Variants in SVOPL observed in about 807,000 individuals in gnomAD.
The protein encoded by SVOPL is SVOP like.
SVOPL carries 60 observed loss-of-function variants against 61.0 expected under a neutral mutation model. The ratio of observed to expected loss-of-function variants is 0.98; its 90% confidence interval spans 0.80 to 1.22. SVOPL has a LOEUF of 1.22. SVOPL is among the 50% of genes most tolerant of loss of function. The pLI, the probability that SVOPL is intolerant of heterozygous loss-of-function variation, is 0.00. For synonymous variants in SVOPL, 279 were observed against 250.0 expected, an observed-to-expected ratio of 1.12 and a Z score of -1.09; for missense variants, 662 against 643.9, an observed-to-expected ratio of 1.03 and a Z score of -0.30.
Position 138,633,171 on chromosome 7 carries a change from C to CA in SVOPL, c.790-3050dup, listed in dbSNP as rs1485721014. ...CTCCAAACCCATGAGAGTGTATTTC[C>CA]AATGTTTAAAAAATAAACTAGAATA... On this transcript the variant is annotated intron_variant, in intron 9 of 15. Coordinates refer to ENST00000674285, the MANE Select transcript of SVOPL (RefSeq NM_001139456.2). 2.6e-5 allele frequency among the ~76,000 whole-genome samples: 4 copies of CA among 152,128 alleles called. 1 individual carries two copies. Among genetic ancestry groups the CA allele is most frequent in the Non-Finnish European group, 4.4e-5 (3 of 68,036 alleles).
chr7:138,627,189 G>A (rs912425965), intron 12 of SVOPL, among the ~76,000 whole-genome samples, 161 bp downstream of exon 12: 5 of 152,126 alleles, frequency 3.3e-5, no homozygotes, highest in African/African-American at 4.8e-5. Flanking sequence ...GGGAAGCGGG[G>A]ATAGTAGGGA....
chr7:138,597,316 CT>C, intron 14 of SVOPL: 1 of 1,055,430 alleles, frequency 9.5e-7, no homozygotes, highest in African/African-American at 1.6e-5. Context: ...AATACAATTT[CT>C]TCCCTTTACA....
rs181561045 is a variant in SVOPL at position 138,630,799 on chromosome 7, C to T, written c.790-677G>A. ...CTCTACCAAAAATACAAAAATTAGC[C>T]GGACATGGTGGAGCATGCCTGTAAT... is the stretch of plus-strand genomic sequence containing the variant. On this transcript the variant is annotated intron_variant, in intron 9 of 15. Coordinates refer to ENST00000674285, the MANE Select transcript of SVOPL (RefSeq NM_001139456.2). 4.3e-4 allele frequency among the ~76,000 whole-genome samples: 66 copies of T among 152,090 alleles called. No homozygotes were observed. The East Asian group carries it at 4.8e-3, about 11-fold the overall frequency.
At chr7:138,644,975 T>A in intron 8 of SVOPL, 130 bp from the exon 9 acceptor site, 1 of 1,190,978 alleles carries the variant, frequency 8.4e-7, no homozygotes, top group East Asian at 2.4e-5. Context: ...CTTAAAGGCA[T>A]GCAATGTAGC....
chr7:138,676,402 C>T (rs114258118), intron 3 of SVOPL, among the ~76,000 whole-genome samples: 2,165 of 152,298 alleles, frequency 0.014, 58 homozygotes, highest in African/African-American at 0.05. Flanking sequence ...GCAGGTTCTG[C>T]TGCCCGGAGA....
chr7:138,599,275 G>A (rs1341609207), intron 14 of SVOPL, among the ~76,000 whole-genome samples: 1 of 151,934 alleles, frequency 6.6e-6, no homozygotes, highest in African/African-American at 2.4e-5. Flanking sequence ...AAAAAATTAG[G>A]CAACTTCTGA....
rs566820907 is a variant in SVOPL at position 138,621,572 on chromosome 7, C to T, written c.1264-437G>A. Among the ~76,000 whole-genome samples the T allele has an allele frequency of 2.1e-3, 316 of 152,220 alleles. 2 individuals are homozygous for T. The highest frequency in any genetic ancestry group is 7.5e-3 in the African/African-American group (312 of 41,530). On this transcript the variant is annotated intron_variant, in intron 13 of 15. Coordinates refer to ENST00000674285, the MANE Select transcript of SVOPL (RefSeq NM_001139456.2). ...GGGCCAGGTACTTGCCACACCATTCCCTGTGTTCTTATTTTTACTTCTTTT... is the reference window on the plus strand; with the variant it reads ...GGGCCAGGTACTTGCCACACCATTCTCTGTGTTCTTATTTTTACTTCTTTT...
At chr7:138,648,533 CAAAAAAAAAA>C (rs61171485) in intron 8 of SVOPL, among the ~76,000 whole-genome samples, 5,401 of 73,918 alleles carry the variant, frequency 0.073, 151 homozygotes, top group Middle Eastern at 0.17. Flanking sequence ...ACTAAAAATC[CAAAAAAAAAA>C]AAAAAAAAAA....
intron 3 of SVOPL, among the ~76,000 whole-genome samples, chr7:138,675,318 C>A (rs1391896265): frequency 6.6e-6 from 1 of 152,140 alleles, no homozygotes; most frequent in Non-Finnish European, 1.5e-5. Flanking sequence ...ATCAAACTCA[C>A]ATGGCTACCT....
intron 12 of SVOPL, 139 bp downstream of exon 12, chr7:138,627,211 C>A (rs2116908435): frequency 4.9e-6 from 3 of 610,686 alleles, no homozygotes; most frequent in South Asian, 2.0e-5. Context: ...CAGGCAAGAC[C>A]ATTCTAGTCA....
chr7:138,667,094 GT>G (rs1802284456), intron 4 of SVOPL, among the ~76,000 whole-genome samples: 1 of 152,152 alleles, frequency 6.6e-6, no homozygotes, highest in Non-Finnish European at 1.5e-5. Context: ...AATAAGAGGA[GT>G]TTTAATGAGG....
In SVOPL at chr7:138,626,126, A is replaced by C. The variant is rs78781602; in HGVS notation, c.1182-76T>G. 32,311 of 1,369,500 alleles carry C rather than the reference A, an allele frequency of 0.024. 513 individuals are homozygous for C. Among genetic ancestry groups the C allele is most frequent in the Middle Eastern group, 0.052 (288 of 5,520 alleles). 84.8% of individuals were successfully genotyped at this position (1,369,500 alleles called of 1,614,324 possible). A position where few individuals can be genotyped will look rare whatever the true frequency, so the allele number is the denominator to read the frequency against. On this transcript the variant is annotated intron_variant, in intron 12 of 15. Transcript: ENST00000674285. ...CCTCCAGTGGCCCAGCTTCGAGTGC[A>C]CTGTGGATGCTGAGATACAATCACA...
chr7:138,656,419 A>G, intron 7 of SVOPL, 29 bp downstream of exon 7: 1 of 1,611,412 alleles, frequency 6.2e-7, no homozygotes, highest in South Asian at 1.1e-5. Flanking sequence ...AGGATGCCAA[A>G]GGCAGGTAGA....
intron 4 of SVOPL, among the ~76,000 whole-genome samples, chr7:138,671,809 C>T (rs1218576079): frequency 6.6e-6 from 1 of 152,246 alleles, no homozygotes; most frequent in Non-Finnish European, 1.5e-5. Context: ...TTCTGAATTG[C>T]ATCTCTCATG....
At chr7:138,682,213 G>C (rs1002002857) in intron 1 of SVOPL, among the ~76,000 whole-genome samples, 1 of 152,286 alleles carries the variant, frequency 6.6e-6, no homozygotes, top group African/African-American at 2.4e-5. Context: ...TCACTGGCTT[G>C]TAAACTATGA....
Position 138,621,041 on chromosome 7 carries a change from T to G in SVOPL, c.1353+5A>C. 7 of 1,613,410 alleles carry G rather than the reference T, an allele frequency of 4.3e-6. No individual in the cohort carries two copies. The highest frequency in any genetic ancestry group is 5.1e-6 in the Non-Finnish European group (6 of 1,179,642). ...TCTCTCTCCCTGCAGGGTCCTTGGC[T>G]GTACCTGGGATATAAATGGTGCCAC... On this transcript the variant is annotated splice_donor_5th_base_variant and intron_variant, in intron 14 of 15. Coordinates refer to ENST00000674285, the MANE Select transcript of SVOPL (RefSeq NM_001139456.2).
At chr7:138,602,453 ATATATATATATATATATATATATG>A (rs1798567531) in intron 14 of SVOPL, among the ~76,000 whole-genome samples, 1 of 16,956 alleles carries the variant, frequency 5.9e-5, no homozygotes, top group Non-Finnish European at 1.2e-4. Flanking sequence ...ATATATATAT[ATATATATATATATATATATATATG>A]TAGATGTGTG....
chr7:138,683,945 G>C (rs889578163), intron 1 of SVOPL, among the ~76,000 whole-genome samples: 10 of 151,646 alleles, frequency 6.6e-5, no homozygotes, highest in African/African-American at 2.4e-4. Context: ...CCAGCTACTC[G>C]GGAGGCTGAA....
chr7:138,609,438 G>C (rs1798894925), intron 14 of SVOPL, among the ~76,000 whole-genome samples: 1 of 147,250 alleles, frequency 6.8e-6, no homozygotes, highest in Non-Finnish European at 1.5e-5. Context: ...TTGAGCCCAG[G>C]AGTTCAAGCC....
Sources: allele counts gnomAD v4.1 joint callset (sites outside exome capture counted in the v4.1 genomes callset), GRCh38; gene constraint gnomAD v4.1.1; transcripts MANE v1.5; gene names NCBI Gene and HGNC (gene_info 2026-07-23, HGNC 2026-07-21).